Variants in HPSE2 observed in about 807,000 individuals in gnomAD.
HPSE2 encodes the protein inactive heparanase-2.
Under a neutral mutation model 60.5 loss-of-function variants are expected in HPSE2, and 38 were observed. The observed-to-expected ratio is 0.63, with a 90% CI of 0.48 to 0.82. The LOEUF (loss-of-function observed/expected upper bound fraction) is 0.82. Ranked by LOEUF, HPSE2 falls within the 40% of genes least tolerant of loss-of-function variation. HPSE2 has a pLI of 0.00. For synonymous variants in HPSE2, 295 were observed against 293.2 expected (o/e 1.01, Z -0.06); for missense variants, 713 against 740.4 (o/e 0.96, Z 0.43).
chr10:98,816,714 A>T (rs10883210), intron 3 of HPSE2, among the ~76,000 whole-genome samples: 1 of 152,132 alleles, frequency 6.6e-6, no homozygotes, highest in Non-Finnish European at 1.5e-5. Context: ...AACTGCCTCC[A>T]TAAACAACTT....
At chr10:99,226,677 C>A (rs1424539494) in intron 2 of HPSE2, among the ~76,000 whole-genome samples, 4 of 151,960 alleles carry the variant, frequency 2.6e-5, no homozygotes, top group African/African-American at 9.7e-5. Flanking sequence ...TTCTTTAAAT[C>A]CAAGTCACAC....
At chr10:98,908,719 T>C (rs1953897457) in intron 3 of HPSE2, among the ~76,000 whole-genome samples, 1 of 148,424 alleles carries the variant, frequency 6.7e-6, no homozygotes. Context: ...AGATGGTATA[T>C]GGAAAGTAAT....
chr10:99,152,742 G>A lies in HPSE2; in HGVS notation c.449-8343C>T, dbSNP rs1221804798. ...TAAGAAAACAACTGAAAATGAGGGG[G>A]AGGAGCCAAGATGGCCGAATAGGAA... On this transcript the variant is annotated intron_variant, in intron 2 of 11. Transcript: ENST00000370552. Among the ~76,000 whole-genome samples the A allele has an allele frequency of 5.3e-5, 8 of 152,288 alleles. 1 individual carries two copies. The South Asian group carries it at 1.7e-3, about 32-fold the overall frequency.
At chr10:98,676,719 A>T (rs564640441) in intron 6 of HPSE2, among the ~76,000 whole-genome samples, 2 of 152,296 alleles carry the variant, frequency 1.3e-5, no homozygotes, top group South Asian at 4.1e-4. Flanking sequence ...GATCTAGGCC[A>T]TGAGACTCTA....
At chr10:99,188,900 T>C (rs1051349769) in intron 2 of HPSE2, among the ~76,000 whole-genome samples, 10 of 152,250 alleles carry the variant, frequency 6.6e-5, no homozygotes, top group African/African-American at 1.9e-4. Flanking sequence ...CTGAGGAAAA[T>C]TGGAAATTCT....
chr10:99,180,914 A>C (rs926894694), intron 2 of HPSE2, among the ~76,000 whole-genome samples: 4 of 149,784 alleles, frequency 2.7e-5, no homozygotes, highest in South Asian at 4.2e-4. Flanking sequence ...AAAAAAAAAA[A>C]AAAACACAGA....
rs563749219 is a variant in HPSE2 at position 99,153,138 on chromosome 10, C to G, written c.449-8739G>C. ...TCTCGCTGATTGCTAGCACAGCAGT[C>G]TGAGATCAAACTGCAAGGCAGCAGC... On this transcript the variant is annotated intron_variant, in intron 2 of 11. Coordinates refer to ENST00000370552, the MANE Select transcript of HPSE2 (RefSeq NM_021828.5). Among the ~76,000 whole-genome samples, 351 of 152,330 alleles carry G rather than the reference C, an allele frequency of 2.3e-3. 2 individuals carry two copies. Among genetic ancestry groups the G allele is most frequent in the Non-Finnish European group, 3.9e-3 (267 of 68,028 alleles).
intron 2 of HPSE2, among the ~76,000 whole-genome samples, chr10:99,224,123 G>C (rs1849399265): frequency 6.6e-6 from 1 of 151,926 alleles, no homozygotes; most frequent in Non-Finnish European, 1.5e-5. Context: ...ACTAAGTCTG[G>C]CTTATATACA....
At chr10:98,636,214 G>A (rs1946495248) in intron 7 of HPSE2, among the ~76,000 whole-genome samples, 1 of 150,768 alleles carries the variant, frequency 6.6e-6, no homozygotes, top group Non-Finnish European at 1.5e-5. Flanking sequence ...TGTTTGAAGT[G>A]ATAAATGTGT....
Position 98,788,541 on chromosome 10 carries a change from AGCCTCGTTGCC to A in HPSE2, c.611-44496_611-44486del, listed in dbSNP as rs1318795725. On this transcript the variant is annotated intron_variant, in intron 3 of 11. Transcript: ENST00000370552. Reference sequence around the variant, plus strand: ...GGGCAATGGCAGGCGCCCCTCCCCCAGCCTCGTTGCCGCCTTGCAGTTTGATCTCAGACTGC... The same window carrying A: ...GGGCAATGGCAGGCGCCCCTCCCCCAGCCTTGCAGTTTGATCTCAGACTGC... Among the ~76,000 whole-genome samples, 25 of 151,352 alleles carry A rather than the reference AGCCTCGTTGCC, an allele frequency of 1.7e-4. No homozygotes were observed. In the East Asian group the frequency reaches 4.7e-3, roughly 29 times the overall value.
At chr10:98,497,687 A>G (rs1394850177) in intron 9 of HPSE2, among the ~76,000 whole-genome samples, 1 of 152,218 alleles carries the variant, frequency 6.6e-6, no homozygotes, top group Admixed American at 6.5e-5. Context: ...AAATTTGTAA[A>G]TATCAAGTCA....
intron 3 of HPSE2, among the ~76,000 whole-genome samples, chr10:98,775,700 C>A (rs1950325694): frequency 1.3e-5 from 2 of 152,068 alleles, no homozygotes; most frequent in African/African-American, 4.8e-5. Context: ...ATGGCTTTAC[C>A]CCCTACCTAT....
intron 11 of HPSE2, among the ~76,000 whole-genome samples, chr10:98,476,036 C>A (rs377001474): frequency 6.6e-6 from 1 of 151,496 alleles, no homozygotes; most frequent in Non-Finnish European, 1.5e-5. Context: ...ATGTTTATTG[C>A]GGCACTATTC....
At chr10:98,967,456 T>C (rs1955841862) in intron 3 of HPSE2, among the ~76,000 whole-genome samples, 1 of 152,198 alleles carries the variant, frequency 6.6e-6, no homozygotes, top group South Asian at 2.1e-4. Context: ...GTGCTTTGTC[T>C]CAGCACAAAT....
rs997816364 is a variant in HPSE2 at position 99,126,379 on chromosome 10, T to G, written c.610+17859A>C. Among the ~76,000 whole-genome samples the G allele has an allele frequency of 8.6e-6, 1 of 116,342 alleles. No homozygotes were observed. The highest frequency in any genetic ancestry group is 2.1e-5 in the Non-Finnish European group (1 of 47,000). 76.3% of individuals were successfully genotyped at this position (116,342 alleles called of 152,430 possible). ...GTATTTCACTACCTGCCCTAGTAGC[T>G]GAACAGAAAAGACAGCTCATCCAAG... On this transcript the variant is annotated intron_variant, in intron 3 of 11. Transcript: ENST00000370552. The surrounding 1 kb of genome is among the most constrained non-coding windows in gnomAD (Gnocchi z 4.0).
chr10:99,177,551 C>T (rs1360393207), intron 2 of HPSE2, among the ~76,000 whole-genome samples: 1 of 152,042 alleles, frequency 6.6e-6, no homozygotes, highest in Admixed American at 6.5e-5. Flanking sequence ...GTAAAGGGAT[C>T]AATGCAACAA....
intron 4 of HPSE2, among the ~76,000 whole-genome samples, chr10:98,723,851 CTCTTT>C (rs1948994166): frequency 6.6e-6 from 1 of 152,098 alleles, no homozygotes; most frequent in African/African-American, 2.4e-5. Context: ...TGATTCTTCT[CTCTTT>C]TCTTCTTTAT....
At chr10:98,500,800 A>T (rs1942004874) in intron 9 of HPSE2, among the ~76,000 whole-genome samples, 1 of 152,128 alleles carries the variant, frequency 6.6e-6, no homozygotes, top group Non-Finnish European at 1.5e-5. Flanking sequence ...AGAAAAGAAG[A>T]AAAGAAGATT....
chr10:98,475,987 G>A (rs7070781), intron 11 of HPSE2, among the ~76,000 whole-genome samples: 61,027 of 150,380 alleles, frequency 0.41, 13,238 homozygotes, highest in African/African-American at 0.6. Context: ...ATATCCAAAG[G>A]ACTATAAATC....
Sources: allele counts gnomAD v4.1 joint callset (sites outside exome capture counted in the v4.1 genomes callset), GRCh38; gene constraint gnomAD v4.1.1; non-coding constraint Gnocchi (gnomAD v3.1); transcripts MANE v1.5; gene names NCBI Gene and HGNC (gene_info 2026-07-23, HGNC 2026-07-21).